The following SEMA4F variants were observed in gnomAD, a reference collection of about 807,000 sequenced individuals.
SEMA4F encodes ssemaphorin 4F, also known as semaphorin-4F.
Under a neutral mutation model 78.4 loss-of-function variants are expected in SEMA4F, and 51 were observed. That is an observed-to-expected ratio of 0.65 (90% CI 0.52 to 0.82). The LOEUF is 0.82. Among genes scored for constraint, SEMA4F ranks in the 40% least tolerant of loss-of-function variants. The pLI, the probability that SEMA4F is intolerant of heterozygous loss-of-function variation, is 0.00. For missense variants in SEMA4F, 938 were observed against 1,014.4 expected (o/e 0.92, Z 1.02); for synonymous variants, 418 against 408.7 (o/e 1.02, Z -0.27).
chr2:74,707,895 G>A, the SEMA4F span, among the ~76,000 whole-genome samples: 1 of 152,140 alleles, frequency 6.6e-6, no homozygotes, highest in Non-Finnish European at 1.5e-5. Flanking sequence ...ATCCTCAGGG[G>A]TCTCCTCAAG....
downstream of SEMA4F, among the ~76,000 whole-genome samples, chr2:74,685,517 T>A (rs567567723): frequency 6.9e-4 from 105 of 152,034 alleles, no homozygotes; most frequent in Non-Finnish European, 1.1e-3. Flanking sequence ...GACTTCTTCT[T>A]TAGCTCCAAT....
At chr2:74,678,161 T>G (rs1685395069) in intron 12 of SEMA4F, among the ~76,000 whole-genome samples, 1 of 152,220 alleles carries the variant, frequency 6.6e-6, no homozygotes, top group Non-Finnish European at 1.5e-5. Flanking sequence ...CCTTTATTGT[T>G]TTAATTTCCA....
Position 74,680,373 on chromosome 2 carries a change from CT to C in SEMA4F, c.*166del. On this transcript the variant is annotated 3_prime_UTR_variant, in exon 14 of 14. Transcript: ENST00000357877. ...TCTGTTCTCTCTGAGCCTGGATGGG[CT>C]TGGGGCCAGACCTTTGCCTGATTCC... The C allele has an allele frequency of 1.3e-6, 1 of 780,274 alleles. No individual in the cohort carries two copies. Among genetic ancestry groups the C allele is most frequent in the Non-Finnish European group, 1.9e-6 (1 of 517,786 alleles). 48.3% of individuals were successfully genotyped at this position (780,274 alleles called of 1,614,324 possible).
At position 74,658,818 on chromosome 2, in the gene SEMA4F, A is replaced by G. The variant is rs1242772063; in HGVS notation, c.456+867A>G. Among the ~76,000 whole-genome samples the G allele has an allele frequency of 6.6e-6, 1 of 152,178 alleles. No homozygotes were observed. Among genetic ancestry groups the G allele is most frequent in the Non-Finnish European group, 1.5e-5 (1 of 68,024 alleles). On this transcript the variant is annotated intron_variant, in intron 4 of 13. Transcript: ENST00000357877. This position sits in a 1 kb window ranked among gnomAD's most constrained non-coding sequence, Gnocchi z 4.3. ...GCTTCTCTTTCTGCTCTGTAGAGCA[A>G]TAGGAGGGAGTATAACTGCTCCCTT...
rs376533893 is a variant in SEMA4F at position 74,680,566 on chromosome 2, C to T, written c.*357C>T. ...CTTTGCTTTCTGGTTGGAGCCTGGCCGGAAGGAAGAGCCCTGGAGGTGGTT... is the reference window on the plus strand; with the variant it reads ...CTTTGCTTTCTGGTTGGAGCCTGGCTGGAAGGAAGAGCCCTGGAGGTGGTT... On this transcript the variant is annotated 3_prime_UTR_variant, in exon 14 of 14. Transcript: ENST00000357877. 81 of 183,692 alleles carry T rather than the reference C, an allele frequency of 4.4e-4. No homozygotes were observed. Among genetic ancestry groups the T allele is most frequent in the African/African-American group, 1.9e-3 (79 of 42,656 alleles). 11.4% of individuals were successfully genotyped at this position (183,692 alleles called of 1,614,324 possible). A position where few individuals can be genotyped will look rare whatever the true frequency, so the allele number is the denominator to read the frequency against.
downstream of SEMA4F, among the ~76,000 whole-genome samples, chr2:74,687,349 T>C (rs1685844885): frequency 6.6e-6 from 1 of 152,262 alleles, no homozygotes; most frequent in African/African-American, 2.4e-5. Flanking sequence ...TCCCAGTTAC[T>C]TCCTATCACA....
In SEMA4F at chr2:74,654,317, C is replaced by G; in HGVS notation, c.-60C>G. The G allele has an allele frequency of 2.9e-6, 4 of 1,389,536 alleles. No individual in the cohort carries two copies. The highest frequency in any genetic ancestry group is 3.7e-6 in the Non-Finnish European group (4 of 1,078,126). The allele number at this position is 1,389,536 out of a possible 1,614,324, so 86.1% of individuals were successfully genotyped here. A position where few individuals can be genotyped will look rare whatever the true frequency, so the allele number is the denominator to read the frequency against. ...CCCGAGTGGGGCCGAGGCCAGTAGC[C>G]CCGGGGCCCTGAGCAGAGGCCGTAG... On this transcript the variant is annotated 5_prime_UTR_variant, in exon 1 of 14. Transcript: ENST00000357877.
At position 74,654,389 on chromosome 2, in the gene SEMA4F, G is replaced by A. The variant is rs1421908030; in HGVS notation, c.13G>A (p.Ala5Thr). 4 of 1,516,804 alleles carry A rather than the reference G, an allele frequency of 2.6e-6. No homozygotes were observed. The highest frequency in any genetic ancestry group is 3.5e-6 in the Non-Finnish European group (4 of 1,140,586). 94.0% of individuals were successfully genotyped at this position (1,516,804 alleles called of 1,614,324 possible). A position where few individuals can be genotyped will look rare whatever the true frequency, so the allele number is the denominator to read the frequency against. MPAS[A>T]ARPRPGPGQP... ...GGCGGAGCCAAAGATGCCGGCCTCT[G>A]CTGCGCGGCCCCGCCCGGGTCCCGG... Residue 5 changes from alanine to threonine, a missense_variant, in exon 1 of 14, where the codon GCT (alanine) becomes ACT (threonine). By Grantham distance (58) the Ala-to-Thr change is moderately conservative. Transcript: ENST00000357877.
chr2:74,699,346 C>T, the SEMA4F span, among the ~76,000 whole-genome samples: 1 of 152,206 alleles, frequency 6.6e-6, no homozygotes, highest in African/African-American at 2.4e-5. Flanking sequence ...GCCCACTTTA[C>T]TACCATAATC....
intron 1 of SEMA4F, among the ~76,000 whole-genome samples, chr2:74,656,225 G>A (rs1684127869): frequency 6.6e-6 from 1 of 152,142 alleles, no homozygotes; most frequent in Non-Finnish European, 1.5e-5. Context: ...GGCCAGGCTG[G>A]TCTCAAACTC....
chr2:74,675,687 A>C lies in SEMA4F; in HGVS notation c.1482+53A>C, dbSNP rs1685238980. On this transcript the variant is annotated intron_variant, in intron 11 of 13. Transcript: ENST00000357877. ...TGGGGAGACATCTGAGTCCAGAGCC[A>C]GTTTGTGACCCTGAGGTCTGGGAGA... 1.9e-6 allele frequency: 3 copies of C among 1,613,154 alleles called. No homozygotes were observed. In the Admixed American group the frequency reaches 5.0e-5, roughly 27 times the overall value.
the SEMA4F span, among the ~76,000 whole-genome samples, chr2:74,701,812 C>T: frequency 2.0e-5 from 3 of 152,094 alleles, no homozygotes; most frequent in South Asian, 6.2e-4. Flanking sequence ...AAGTTGGATC[C>T]CAGGTCTGGA....
In SEMA4F at chr2:74,657,749, C is replaced by A. The variant is rs1405225781; in HGVS notation, c.358-104C>A. 6 of 1,362,712 alleles carry A rather than the reference C, an allele frequency of 4.4e-6. No individual in the cohort carries two copies. The African/African-American group carries it at 7.1e-5, about 16-fold the overall frequency. 84.4% of individuals were successfully genotyped at this position (1,362,712 alleles called of 1,614,324 possible). On this transcript the variant is annotated intron_variant, in intron 3 of 13. Transcript: ENST00000357877. ...CAGAGACTCTAACACCATGCCATCA[C>A]CCATCATCTCTGATCCCAAAGCTGC...
chr2:74,685,085 C>G (rs915886557), downstream of SEMA4F, among the ~76,000 whole-genome samples: 2 of 152,244 alleles, frequency 1.3e-5, no homozygotes, highest in African/African-American at 2.4e-5. Context: ...TCTTTGCACT[C>G]ATAATCTCAC....
the SEMA4F span, among the ~76,000 whole-genome samples, chr2:74,702,380 CA>C: frequency 0.063 from 9,516 of 152,254 alleles, 339 homozygotes; most frequent in East Asian, 0.16. Context: ...TAAAATTGCT[CA>C]TCAGCATCTA....
Position 74,658,179 on chromosome 2 carries a change from T to G in SEMA4F, c.456+228T>G, listed in dbSNP as rs1046909789. ...GGGAGGTTGTCTGGAGAGGGTAAGA[T>G]ATACAAAGTGTGAAGAGAGACATAG... On this transcript the variant is annotated intron_variant, in intron 4 of 13. Coordinates refer to ENST00000357877, the MANE Select transcript of SEMA4F (RefSeq NM_004263.5). The surrounding 1 kb of genome is among the most constrained non-coding windows in gnomAD (Gnocchi z 4.3). 1.3e-5 allele frequency among the ~76,000 whole-genome samples: 2 copies of G among 152,076 alleles called. No homozygotes were observed. Among genetic ancestry groups the G allele is most frequent in the Non-Finnish European group, 2.9e-5 (2 of 68,004 alleles).
At chr2:74,690,952 A>G in the SEMA4F span, among the ~76,000 whole-genome samples, 1 of 152,330 alleles carries the variant, frequency 6.6e-6, no homozygotes, top group South Asian at 2.1e-4. Flanking sequence ...AAGGGAAATT[A>G]CTACACATTC....
At chr2:74,691,149 C>T in the SEMA4F span, among the ~76,000 whole-genome samples, 1 of 152,044 alleles carries the variant, frequency 6.6e-6, no homozygotes, top group Non-Finnish European at 1.5e-5. Flanking sequence ...ATTCAAGAAA[C>T]AAGGATATAG....
the SEMA4F span, among the ~76,000 whole-genome samples, chr2:74,702,611 G>A: frequency 7.2e-5 from 11 of 152,114 alleles, no homozygotes; most frequent in African/African-American, 1.7e-4. Context: ...CCTGGATTCC[G>A]TTCAGGCAGG....
Sources: allele counts gnomAD v4.1 joint callset (sites outside exome capture counted in the v4.1 genomes callset), GRCh38; gene constraint gnomAD v4.1.1; non-coding constraint Gnocchi (gnomAD v3.1); transcripts MANE v1.5; gene names NCBI Gene and HGNC (gene_info 2026-07-23, HGNC 2026-07-21).